The following EYS variants were observed in gnomAD, a reference collection of about 807,000 sequenced individuals.
The protein encoded by EYS is protein eyes shut homolog.
A neutral mutation model predicts 282.1 loss-of-function variants in EYS; 250 were observed. The ratio of observed to expected loss-of-function variants is 0.89; its 90% CI spans 0.80 to 0.98. The LOEUF (loss-of-function observed/expected upper bound fraction) is 0.98. EYS is among the 50% of genes least tolerant of loss of function. The probability of loss-of-function intolerance (pLI) is 0.00; values close to 1 mark genes in which losing one functional copy is unlikely to be tolerated. For synonymous variants in EYS, 1,355 were observed against 1,282.9 expected, an observed-to-expected ratio of 1.06 and a Z score of -1.20; for missense variants, 4,016 against 3,709.0, an observed-to-expected ratio of 1.08 and a Z score of -2.15.
chr6:64,021,194 TTGC>T (rs979811075), intron 33 of EYS, among the ~76,000 whole-genome samples: 9 of 152,194 alleles, frequency 5.9e-5, no homozygotes, highest in African/African-American at 2.2e-4. Context: ...CTTAGTAGCT[TTGC>T]TGCTGTTTTT....
Position 65,363,869 on chromosome 6 carries a change from A to G in EYS, c.1300-10252T>C, listed in dbSNP as rs1458426717. ...TTTAATATCATTTTTGTATAATCAA[A>G]TTTTACCCCACTGATTTCAGTTTAT... On this transcript the variant is annotated intron_variant, in intron 8 of 42. Coordinates refer to ENST00000503581, the MANE Select transcript of EYS (RefSeq NM_001142800.2). Among the ~76,000 whole-genome samples, 4 of 151,766 alleles carry G rather than the reference A, an allele frequency of 2.6e-5. No individual in the cohort carries two copies. The South Asian group carries it at 8.3e-4, about 31-fold the overall frequency.
At chr6:63,972,560 C>CTT (rs1766628498) in intron 35 of EYS, among the ~76,000 whole-genome samples, 2 of 151,930 alleles carry the variant, frequency 1.3e-5, no homozygotes, top group Non-Finnish European at 2.9e-5. Context: ...TATTATTATA[C>CTT]TTTAAGTTCC....
At chr6:64,898,909 A>G (rs563086506) in intron 18 of EYS, among the ~76,000 whole-genome samples, 63 of 152,122 alleles carry the variant, frequency 4.1e-4, no homozygotes, top group African/African-American at 1.4e-3. Flanking sequence ...AGAGCTAACT[A>G]TCCCAAATAT....
chr6:64,501,521 C>G (rs1194223197), intron 26 of EYS, among the ~76,000 whole-genome samples: 1 of 151,916 alleles, frequency 6.6e-6, no homozygotes, highest in African/African-American at 2.4e-5. Flanking sequence ...AGAACATCCT[C>G]ATTAAAAAAA....
intron 12 of EYS, among the ~76,000 whole-genome samples, chr6:65,193,737 A>G (rs528685470): frequency 4.0e-5 from 6 of 151,710 alleles, no homozygotes; most frequent in African/African-American, 1.4e-4. Context: ...AGTTAAGTAA[A>G]CAATATAATA....
intron 5 of EYS, among the ~76,000 whole-genome samples, chr6:65,433,286 T>C (rs1237177805): frequency 6.6e-6 from 1 of 152,116 alleles, no homozygotes; most frequent in East Asian, 1.9e-4. Context: ...GAAGGATCAA[T>C]TTTATGACAA....
In EYS at chr6:64,200,433, A is replaced by G. The variant is rs1012609507; in HGVS notation, c.6424+30159T>C. 3.3e-5 allele frequency among the ~76,000 whole-genome samples: 5 copies of G among 152,182 alleles called. 1 individual carries two copies. The highest frequency in any genetic ancestry group is 1.2e-4 in the African/African-American group (5 of 41,458). Reference sequence around the variant, plus strand: ...AAATTGTGTATGGAAGTTAGGGTATATATAACTCTGTAGTATGTGCTCAAT... The same window carrying G: ...AAATTGTGTATGGAAGTTAGGGTATGTATAACTCTGTAGTATGTGCTCAAT... On this transcript the variant is annotated intron_variant, in intron 31 of 42. Transcript: ENST00000503581.
intron 26 of EYS, among the ~76,000 whole-genome samples, chr6:64,564,799 G>T (rs1244183892): frequency 2.0e-5 from 3 of 148,770 alleles, no homozygotes; most frequent in Admixed American, 2.0e-4. Flanking sequence ...TGGGGTGGGG[G>T]TCGGGGGCTA....
At chr6:64,123,678 G>C (rs917754764) in intron 31 of EYS, among the ~76,000 whole-genome samples, 24 of 152,260 alleles carry the variant, frequency 1.6e-4, no homozygotes, top group Middle Eastern at 3.4e-3. Flanking sequence ...ATGGAGTTCT[G>C]TTCAGGGAAA....
At chr6:63,976,574 T>C (rs1766846147) in intron 35 of EYS, among the ~76,000 whole-genome samples, 8 of 152,068 alleles carry the variant, frequency 5.3e-5, no homozygotes, top group Admixed American at 4.6e-4. Context: ...GTTTTGTCTC[T>C]AAACCTTGCA....
At chr6:65,330,305 T>C (rs1223315792) in intron 11 of EYS, 1 of 962,984 alleles carries the variant, frequency 1.0e-6, no homozygotes, top group Non-Finnish European at 1.2e-6. Context: ...CATTCTGTTA[T>C]GATATTTCTG....
rs556634976 is a variant in EYS at position 64,469,009 on chromosome 6, G to T, written c.5645-29657C>A. 2.0e-5 allele frequency among the ~76,000 whole-genome samples: 3 copies of T among 152,264 alleles called. No homozygotes were observed. In the East Asian group the frequency reaches 5.8e-4, roughly 29 times the overall value. On this transcript the variant is annotated intron_variant, in intron 26 of 42. Transcript: ENST00000503581. ...GGTAGGATGATTTATACTCCTTTGG[G>T]TATATACCCAATGTTGGGATTTCTG...
intron 35 of EYS, among the ~76,000 whole-genome samples, chr6:63,908,961 G>T (rs557582029): frequency 6.6e-6 from 1 of 151,016 alleles, no homozygotes; most frequent in East Asian, 1.9e-4. Context: ...TGGGATCATT[G>T]AAGGCTATTT....
At chr6:65,608,869 C>T (rs2149793874) in intron 2 of EYS, among the ~76,000 whole-genome samples, 1 of 152,138 alleles carries the variant, frequency 6.6e-6, no homozygotes, top group Non-Finnish European at 1.5e-5. Flanking sequence ...CCTTCACCTC[C>T]ACATTTTGTC....
chr6:64,579,209 G>C (rs1269661368), intron 26 of EYS, among the ~76,000 whole-genome samples: 2 of 152,108 alleles, frequency 1.3e-5, no homozygotes, highest in Non-Finnish European at 2.9e-5. Context: ...TGGAGTGAGA[G>C]ATGCTCTTCA....
In EYS at chr6:64,534,360, A is replaced by G. The variant is rs1020567620; in HGVS notation, c.5644+55863T>C. ...TTTTCTAAAATGAGTCTGTGTTATC[A>G]GAGAACATAAATATAAATCTGTTCT... On this transcript the variant is annotated intron_variant, in intron 26 of 42. Transcript: ENST00000503581. Among the ~76,000 whole-genome samples, 16 of 152,088 alleles carry G rather than the reference A, an allele frequency of 1.1e-4. No individual in the cohort carries two copies. In the South Asian group the frequency reaches 1.5e-3, roughly 14 times the overall value.
intron 9 of EYS, among the ~76,000 whole-genome samples, chr6:65,347,240 T>C (rs927617883): frequency 1.1e-4 from 17 of 151,758 alleles, no homozygotes; most frequent in African/African-American, 4.1e-4. Flanking sequence ...TTTGCTTTGA[T>C]TGCATTATGA....
chr6:65,423,981 T>C (rs916468323), intron 5 of EYS, among the ~76,000 whole-genome samples: 6 of 152,050 alleles, frequency 3.9e-5, no homozygotes, highest in Admixed American at 6.6e-5. Flanking sequence ...TAGGTTCCTA[T>C]GTGTCTTGCC....
intron 13 of EYS, among the ~76,000 whole-genome samples, chr6:65,056,708 T>C (rs141743888): frequency 5.3e-5 from 8 of 152,272 alleles, no homozygotes; most frequent in Non-Finnish European, 7.4e-5. Flanking sequence ...CCAAGCATGA[T>C]AAAATAGTGT....
Sources: gnomAD v4.1 joint callset for allele counts (sites outside exome capture counted in the v4.1 genomes callset) on GRCh38, gnomAD v4.1.1 for gene constraint, MANE v1.5 for transcripts, NCBI Gene and HGNC (gene_info 2026-07-23, HGNC 2026-07-21) for gene names.